Variants in SETBP1 observed in about 807,000 individuals in gnomAD.
The protein encoded by SETBP1 is SET-binding protein.
In SETBP1, 9 loss-of-function variants were observed where a neutral mutation model predicts 101.0. The observed-to-expected ratio is 0.09, with a 90% CI of 0.05 to 0.16. SETBP1 has a LOEUF of 0.16. Ranked by LOEUF, SETBP1 falls within the 10% of genes least tolerant of loss-of-function variation. The pLI is 1.00. For synonymous variants in SETBP1, 818 were observed against 788.5 expected, an observed-to-expected ratio of 1.04 and a Z score of -0.63; for missense variants, 1,858 against 2,033.8, an observed-to-expected ratio of 0.91 and a Z score of 1.66.
In SETBP1 at chr18:44,952,062, G is replaced by A. The variant is rs559186877; in HGVS notation, c.2722G>A (p.Asp908Asn). The A allele has an allele frequency of 1.3e-5, 21 of 1,614,040 alleles. No homozygotes were observed. Among genetic ancestry groups the A allele is most frequent in the East Asian group, 6.7e-5 (3 of 44,864 alleles). ...GGACAACCCGGAGGCCATTCCGTCC[G>A]ACACCAGCACAAAGAACCGGCATGG... ...SLDNPEAIPS[D>N]TSTKNRHGHR... The change falls in exon 4 of 6, where the codon GAC becomes AAC. Residue 908 changes from aspartate to asparagine, a missense_variant. By Grantham distance (23) the Asp-to-Asn change is conservative. This residue lies in a region of SETBP1 where 255 missense variants were observed against 300.1 expected (regional missense o/e 0.85). Transcript: ENST00000649279.
intron 2 of SETBP1, among the ~76,000 whole-genome samples, chr18:44,799,187 A>G (rs2071545585): frequency 6.6e-6 from 1 of 152,194 alleles, no homozygotes; most frequent in Non-Finnish European, 1.5e-5. Flanking sequence ...TTGTGTAGAC[A>G]TTTAAAATGG....
rs565807314 is a variant in SETBP1 at position 44,904,828 on chromosome 18, T to C, written c.540+35545T>C. On this transcript the variant is annotated intron_variant, in intron 3 of 5. Coordinates refer to ENST00000649279, the MANE Select transcript of SETBP1 (RefSeq NM_015559.3). ...GCATCAAGTTGGCAAAATAGGAAAA[T>C]GGGAGCATGATAGAGCACTTTCATT... is the stretch of plus-strand genomic sequence containing the variant. Among the ~76,000 whole-genome samples, 11 of 152,208 alleles carry C rather than the reference T, an allele frequency of 7.2e-5. No individual in the cohort carries two copies. The South Asian group carries it at 2.3e-3, about 32-fold the overall frequency.
chr18:44,946,137 T>C (rs1442425285), intron 3 of SETBP1, among the ~76,000 whole-genome samples: 1 of 152,208 alleles, frequency 6.6e-6, no homozygotes, highest in Admixed American at 6.5e-5. Context: ...CCCTGCCCCT[T>C]CTCTGCAGCC....
chr18:44,770,379 G>T (rs937576909), intron 2 of SETBP1, among the ~76,000 whole-genome samples: 1 of 152,180 alleles, frequency 6.6e-6, no homozygotes, highest in African/African-American at 2.4e-5. Context: ...TACTTCTGTG[G>T]CTCTTGATCA....
At chr18:45,054,688 G>T (rs928005691) in intron 5 of SETBP1, among the ~76,000 whole-genome samples, 11 of 152,078 alleles carry the variant, frequency 7.2e-5, no homozygotes, top group Non-Finnish European at 1.3e-4. Flanking sequence ...CCAAAATCTG[G>T]CTTGCCCTCC....
At chr18:45,029,659 C>T (rs2073248078) in intron 4 of SETBP1, among the ~76,000 whole-genome samples, 1 of 152,120 alleles carries the variant, frequency 6.6e-6, no homozygotes, top group African/African-American at 2.4e-5. Flanking sequence ...GAATGTTCTT[C>T]CATTTGTTTG....
chr18:44,744,105 T>C (rs1347591989), intron 2 of SETBP1, among the ~76,000 whole-genome samples: 2 of 152,248 alleles, frequency 1.3e-5, no homozygotes, highest in African/African-American at 4.8e-5. Context: ...CTGCCATTGC[T>C]GGCGAACCCC....
intron 3 of SETBP1, among the ~76,000 whole-genome samples, chr18:44,886,191 G>A (rs1028326916): frequency 1.3e-5 from 2 of 152,100 alleles, no homozygotes; most frequent in Admixed American, 6.6e-5. Flanking sequence ...TCTTTGCTAC[G>A]GTGTGTCTCA....
intron 3 of SETBP1, among the ~76,000 whole-genome samples, chr18:44,911,804 C>T (rs112717999): frequency 1.6e-3 from 238 of 152,312 alleles, no homozygotes; most frequent in Non-Finnish European, 2.6e-3. Context: ...TTTACCAGCA[C>T]TTGACTACAT....
intron 3 of SETBP1, among the ~76,000 whole-genome samples, chr18:44,885,612 G>A (rs1326297292): frequency 2.0e-5 from 3 of 151,942 alleles, no homozygotes; most frequent in Admixed American, 2.0e-4. Flanking sequence ...ATGTGGCATT[G>A]ACTCCCATTT....
At chr18:45,060,119 G>A (rs977415554) in intron 5 of SETBP1, among the ~76,000 whole-genome samples, 1 of 152,186 alleles carries the variant, frequency 6.6e-6, no homozygotes, top group African/African-American at 2.4e-5. Flanking sequence ...TTTAATGGAT[G>A]TATAATATTG....
At chr18:44,828,742 A>G (rs1445941554) in intron 2 of SETBP1, among the ~76,000 whole-genome samples, 2 of 152,214 alleles carry the variant, frequency 1.3e-5, no homozygotes, top group African/African-American at 4.8e-5. Flanking sequence ...TCAGAGTGAA[A>G]AAGTAATTGC....
In SETBP1 at chr18:44,952,960, A is replaced by T. The variant is rs1295704291; in HGVS notation, c.3620A>T (p.Lys1207Met). Residue 1207 changes from lysine (K) to methionine (M), a missense_variant, in exon 4 of 6, where the codon AAG becomes ATG. By Grantham distance (95) the Lys-to-Met change is moderately conservative. Transcript: ENST00000649279. ...LPLVSEKNKH[K>M]EKQKHQHSEA... ...CTGGTGAGTGAGAAGAACAAGCATA[A>T]GGAGAAACAGAAGCACCAGCACAGC... is the stretch of plus-strand genomic sequence containing the variant. The T allele has an allele frequency of 6.2e-7, 1 of 1,614,080 alleles. No individual in the cohort carries two copies. Among genetic ancestry groups the T allele is most frequent in the East Asian group, 2.2e-5 (1 of 44,880 alleles).
intron 5 of SETBP1, among the ~76,000 whole-genome samples, chr18:45,054,403 G>T (rs1599500748): frequency 6.6e-6 from 1 of 152,128 alleles, no homozygotes; most frequent in Non-Finnish European, 1.5e-5. Flanking sequence ...GGCCAGACTG[G>T]TCTCAAACTC....
At chr18:44,939,664 C>G (rs752105439) in intron 3 of SETBP1, among the ~76,000 whole-genome samples, 1 of 152,192 alleles carries the variant, frequency 6.6e-6, no homozygotes, top group Non-Finnish European at 1.5e-5. Flanking sequence ...GTTTTATGCT[C>G]CCTCCAACAA....
At chr18:45,024,578 C>T (rs771901317) in intron 4 of SETBP1, among the ~76,000 whole-genome samples, 16 of 152,116 alleles carry the variant, frequency 1.1e-4, no homozygotes, top group Admixed American at 7.2e-4. Flanking sequence ...ACCTAAAGAC[C>T]TTCTCAGACA....
intron 2 of SETBP1, among the ~76,000 whole-genome samples, chr18:44,807,309 CTT>C (rs35461152): frequency 6.7e-6 from 1 of 148,618 alleles, no homozygotes. Context: ...TCTTAAGAGT[CTT>C]TTTTTTTTCA....
chr18:44,720,974 A>T (rs1037350063), intron 2 of SETBP1, among the ~76,000 whole-genome samples: 1 of 143,484 alleles, frequency 7.0e-6, no homozygotes, highest in Non-Finnish European at 1.5e-5. Context: ...TTAGGACATC[A>T]TACTGCGTCC....
At chr18:44,824,016 G>A (rs2072177268) in intron 2 of SETBP1, among the ~76,000 whole-genome samples, 1 of 152,166 alleles carries the variant, frequency 6.6e-6, no homozygotes, top group Non-Finnish European at 1.5e-5. Context: ...TGTCTTGACA[G>A]GAGACATTAC....
Sources: allele counts gnomAD v4.1 joint callset (sites outside exome capture counted in the v4.1 genomes callset), GRCh38; gene constraint gnomAD v4.1.1; regional missense constraint gnomAD v4.1.1; transcripts MANE v1.5; gene names NCBI Gene and HGNC (gene_info 2026-07-23, HGNC 2026-07-21).